S1PR3: variants seen among roughly 807,000 people sequenced by gnomAD.
S1PR3 encodes the protein sphingosine 1-phosphate receptor 3.
In S1PR3, 12 loss-of-function variants were observed where a neutral mutation model predicts 13.3. That is an observed-to-expected ratio of 0.90 (90% CI 0.58 to 1.46). S1PR3 has a LOEUF of 1.46. Ranked by LOEUF, S1PR3 falls within the 40% of genes most tolerant of loss-of-function variation. The pLI is 0.00. For missense variants in S1PR3, 450 were observed against 501.9 expected, an observed-to-expected ratio of 0.90 and a Z score of 0.99; for synonymous variants, 232 against 214.0, an observed-to-expected ratio of 1.08 and a Z score of -0.73.
In S1PR3 at chr9:89,002,663, C is replaced by T; in HGVS notation, c.*326C>T. ...GGGCCACACAATGCTGTGTGACCCT[C>T]TCCGTGTGCCTCTGAATGGTGTTTT... On this transcript the variant is annotated 3_prime_UTR_variant, in exon 2 of 2. Transcript: ENST00000358157. 8.0e-6 allele frequency: 3 copies of T among 374,984 alleles called. No individual in the cohort carries two copies. Among genetic ancestry groups the T allele is most frequent in the Non-Finnish European group, 1.5e-5 (3 of 195,834 alleles). 23.2% of individuals were successfully genotyped at this position (374,984 alleles called of 1,614,324 possible).
intron 1 of S1PR3, chr9:88,999,271 G>C (rs76590495): frequency 6.6e-6 from 1 of 152,316 alleles, no homozygotes; most frequent in African/African-American, 2.4e-5. Flanking sequence ...GGTTTCCAGA[G>C]CAACCAACAC....
chr9:88,991,885 AC>A lies in S1PR3; in HGVS notation c.-148+192del. On this transcript the variant is annotated intron_variant, in intron 1 of 1. Coordinates refer to ENST00000358157, the MANE Select transcript of S1PR3 (RefSeq NM_005226.4). The surrounding 1 kb of genome is among the most constrained non-coding windows in gnomAD (Gnocchi z 4.0). ...CAGGAACAGGGAGGAGGCCTTTTCC[AC>A]CGCACCCGGAGCGTTTACAACGGGC... is the stretch of plus-strand genomic sequence containing the variant. The A allele has an allele frequency of 6.2e-7, 1 of 1,614,160 alleles. No homozygotes were observed. The highest frequency in any genetic ancestry group is 8.5e-7 in the Non-Finnish European group (1 of 1,180,014).
rs1212800078 is a variant in S1PR3 at position 89,001,417 on chromosome 9, C to T, written c.217C>T (p.Arg73Cys). Residue 73 changes from arginine to cysteine, a missense_variant, in exon 2 of 2, where the codon CGC becomes TGC. Transcript: ENST00000358157. ...CTGGAAAAACAATAAATTTCACAAC[C>T]GCATGTACTTTTTCATTGGCAACCT... ...AIWKNNKFHN[R>C]MYFFIGNLAL... 6.8e-6 allele frequency: 11 copies of T among 1,614,068 alleles called. No homozygotes were observed. The highest frequency in any genetic ancestry group is 4.0e-5 in the African/African-American group (3 of 74,930).
rs1401405770 is a variant in S1PR3, at chr9:89,005,088, G to A, written c.*2751G>A. 1 of 160,832 alleles carries A rather than the reference G, an allele frequency of 6.2e-6. No individual in the cohort carries two copies. The highest frequency in any genetic ancestry group is 1.9e-4 in the East Asian group (1 of 5,198). The allele number at this position is 160,832 out of a possible 1,614,324, so 10.0% of individuals were successfully genotyped here. A position where few individuals can be genotyped will look rare whatever the true frequency, so the allele number is the denominator to read the frequency against. ...CCCCACTGCAGGGGTGCGCACTGTT[G>A]TTGCAGGCTTGCTACCCACCTGTGT... On this transcript the variant is annotated 3_prime_UTR_variant, in exon 2 of 2. Transcript: ENST00000358157.
upstream of S1PR3, chr9:88,991,157 C>T (rs781100018): frequency 1.9e-6 from 3 of 1,609,182 alleles, no homozygotes; most frequent in African/African-American, 4.0e-5. The surrounding 1 kb of genome is among the most constrained non-coding windows in gnomAD (Gnocchi z 4.0). Context: ...CCGGTTTCTG[C>T]ACCTGGAGCT....
rs1411913907 is a variant in S1PR3 at position 89,003,534 on chromosome 9, T to C, written c.*1197T>C. ...CTGTAATTTTACTTTTCAACATAAG[T>C]TGAACCCGTAGCAGTCTGTTTACCT... On this transcript the variant is annotated 3_prime_UTR_variant, in exon 2 of 2. Coordinates refer to ENST00000358157, the MANE Select transcript of S1PR3 (RefSeq NM_005226.4). The C allele has an allele frequency of 6.0e-6, 1 of 167,138 alleles. No homozygotes were observed. Among genetic ancestry groups the C allele is most frequent in the Admixed American group, 6.5e-5 (1 of 15,292 alleles). The allele number at this position is 167,138 out of a possible 1,614,324, so 10.4% of individuals were successfully genotyped here.
rs1825910649 is a variant in S1PR3 at position 89,004,538 on chromosome 9, T to C, written c.*2201T>C. ...ATAGTTATGAGTTGCTTTGGGAGACTTGGAGCTCTCTGTAGCTATTGTTCA... is the reference window on the plus strand; with the variant it reads ...ATAGTTATGAGTTGCTTTGGGAGACCTGGAGCTCTCTGTAGCTATTGTTCA... On this transcript the variant is annotated 3_prime_UTR_variant, in exon 2 of 2. Transcript: ENST00000358157. 6.0e-6 allele frequency: 1 copy of C among 167,150 alleles called. No homozygotes were observed. The allele number at this position is 167,150 out of a possible 1,614,324, so 10.4% of individuals were successfully genotyped here.
upstream of S1PR3, chr9:88,991,446 T>C (rs1825699517): frequency 6.5e-7 from 1 of 1,543,858 alleles, no homozygotes; most frequent in Non-Finnish European, 8.7e-7. The surrounding 1 kb of genome is among the most constrained non-coding windows in gnomAD (Gnocchi z 4.0). Flanking sequence ...CTGGAAAAGT[T>C]TAGTCTCTGA....
chr9:89,001,016 T>G, intron 1 of S1PR3, 38 bp from the exon 2 acceptor site: 2 of 660,722 alleles, frequency 3.0e-6, no homozygotes, highest in African/African-American at 1.8e-5. Flanking sequence ...CGGCGATCGT[T>G]TTATCAATGG....
rs577364312 is a variant in S1PR3 at position 89,004,125 on chromosome 9, G to C, written c.*1788G>C. The C allele has an allele frequency of 1.9e-5, 3 of 159,828 alleles. No individual in the cohort carries two copies. Among genetic ancestry groups the C allele is most frequent in the African/African-American group, 7.2e-5 (3 of 41,574 alleles). The allele number at this position is 159,828 out of a possible 1,614,324, so 9.9% of individuals were successfully genotyped here. A position where few individuals can be genotyped will look rare whatever the true frequency, so the allele number is the denominator to read the frequency against. On this transcript the variant is annotated 3_prime_UTR_variant, in exon 2 of 2. Transcript: ENST00000358157. The stretch of plus-strand genomic sequence containing the variant: ...TTAAGAAAACAACAACAGGCTGGGC[G>C]CAGTGGCTCACACCTGTAATCCCAG...
chr9:88,991,938 G>T lies in S1PR3; in HGVS notation c.-148+243G>T. On this transcript the variant is annotated intron_variant, in intron 1 of 1. Transcript: ENST00000358157. This position sits in a 1 kb window ranked among gnomAD's most constrained non-coding sequence, Gnocchi z 4.0. ...GGAGCTGAATACCTGGATGAAAGTG[G>T]AGAGGCTGTTCGTGGAGAAGTTCCA... 6.2e-7 allele frequency: 1 copy of T among 1,614,264 alleles called. No individual in the cohort carries two copies. The highest frequency in any genetic ancestry group is 8.5e-7 in the Non-Finnish European group (1 of 1,180,046).
chr9:88,998,531 C>G (rs1339983805), intron 1 of S1PR3: 1 of 152,278 alleles, frequency 6.6e-6, no homozygotes, highest in African/African-American at 2.4e-5. Flanking sequence ...AGGACAGTAT[C>G]TTTTTAGCAC....
At chr9:88,991,233 A>G, upstream of S1PR3, 1 of 1,560,262 alleles carries the variant, frequency 6.4e-7, no homozygotes, top group Non-Finnish European at 8.7e-7. The surrounding 1 kb of genome is among the most constrained non-coding windows in gnomAD (Gnocchi z 4.0). Context: ...GCCGGACCCT[A>G]GGGGATTGGT....
chr9:88,990,874 A>C (rs1198113440), upstream of S1PR3: 15 of 1,198,474 alleles, frequency 1.3e-5, no homozygotes, highest in Non-Finnish European at 1.5e-5. Context: ...GAGCGCGGAG[A>C]GGGACCAGGC....
chr9:88,993,007 A>G (rs565245031), intron 1 of S1PR3: 40 of 152,756 alleles, frequency 2.6e-4, no homozygotes, highest in Non-Finnish European at 4.4e-4. Context: ...GCTAGCCCTT[A>G]AGAGCCTCCC....
At chr9:88,999,765 G>A (rs1825846209) in intron 1 of S1PR3, 1 of 152,224 alleles carries the variant, frequency 6.6e-6, no homozygotes, top group South Asian at 2.1e-4. Context: ...ACTTTGGGAG[G>A]CTGAGGCAGG....
chr9:88,991,444 G>A (rs1230122177), upstream of S1PR3: 1 of 1,544,434 alleles, frequency 6.5e-7, no homozygotes, highest in African/African-American at 1.4e-5. The surrounding 1 kb of genome is among the most constrained non-coding windows in gnomAD (Gnocchi z 4.0). Flanking sequence ...CGCTGGAAAA[G>A]TTTAGTCTCT....
At chr9:88,996,014 A>G (rs7045576) in intron 1 of S1PR3, 94,912 of 166,948 alleles carry the variant, frequency 0.57, 29,971 homozygotes, top group African/African-American at 0.86. Context: ...AGTCTGCAAA[A>G]AGCCATATGT....
At position 89,001,622 on chromosome 9, in the gene S1PR3, T is replaced by C; in HGVS notation, c.422T>C (p.Ile141Thr). Reference sequence around the variant, plus strand: ...GCCATCGAGCGGCACTTGACAATGATCAAAATGAGGCCTTACGACGCCAAC... The same window carrying C: ...GCCATCGAGCGGCACTTGACAATGACCAAAATGAGGCCTTACGACGCCAAC... ...AIAIERHLTMIKMRPYDANKR... is the reference protein window; with the variant it reads ...AIAIERHLTMTKMRPYDANKR... The change falls in exon 2 of 2, where the codon ATC becomes ACC. Residue 141 changes from isoleucine (I) to threonine (T), a missense_variant. Physicochemically the swap from Ile to Thr is moderately conservative, Grantham distance 89 (BLOSUM62 -1). Coordinates refer to ENST00000358157, the MANE Select transcript of S1PR3 (RefSeq NM_005226.4). 3 of 1,614,184 alleles carry C rather than the reference T, an allele frequency of 1.9e-6. No individual in the cohort carries two copies. The highest frequency in any genetic ancestry group is 2.5e-6 in the Non-Finnish European group (3 of 1,180,044).
Sources: gnomAD v4.1 joint callset for allele counts on GRCh38, gnomAD v4.1.1 for gene constraint, Gnocchi (gnomAD v3.1) non-coding constraint, MANE v1.5 for transcripts, NCBI Gene and HGNC (gene_info 2026-07-23, HGNC 2026-07-21) for gene names.